TLE1: variants seen among roughly 807,000 people sequenced by gnomAD.
The protein encoded by TLE1 is transducin-like enhancer protein 1.
A neutral mutation model predicts 89.8 loss-of-function variants in TLE1; 21 were observed. The observed-to-expected ratio is 0.23, with a 90% confidence interval of 0.17 to 0.34. The LOEUF (loss-of-function observed/expected upper bound fraction) is 0.34. Ranked by LOEUF, TLE1 falls within the 10% of genes least tolerant of loss-of-function variation. TLE1 has a pLI of 1.00. For synonymous variants in TLE1, 447 were observed against 407.6 expected (o/e 1.10, Z -1.16); for missense variants, 795 against 1,031.2 (o/e 0.77, Z 3.14).
intron 4 of TLE1, among the ~76,000 whole-genome samples, chr9:81,655,225 G>A (rs1359377483): frequency 1.3e-5 from 2 of 152,068 alleles, no homozygotes; most frequent in Non-Finnish European, 2.9e-5. Flanking sequence ...TTAGCCGGGC[G>A]TGATGGTGGG....
intron 11 of TLE1, among the ~76,000 whole-genome samples, chr9:81,613,906 C>CTTT (rs761514885): frequency 1.3e-4 from 12 of 89,906 alleles, no homozygotes; most frequent in East Asian, 7.8e-4. Context: ...CTTTTCTTTT[C>CTTT]TTTTTTTTTT....
intron 6 of TLE1, among the ~76,000 whole-genome samples, chr9:81,634,618 T>C (rs1057384978): frequency 1.3e-5 from 2 of 152,182 alleles, no homozygotes; most frequent in Admixed American, 6.5e-5. Context: ...CTGTTTATTA[T>C]TAAGCAAGGC....
chr9:81,603,602 T>C (rs1283227006), intron 14 of TLE1, among the ~76,000 whole-genome samples: 1 of 152,210 alleles, frequency 6.6e-6, no homozygotes, highest in African/African-American at 2.4e-5. Context: ...CCCACAAGTT[T>C]TCCCCCAATA....
At chr9:81,687,484 A>G in intron 1 of TLE1, 50 bp from the exon 2 acceptor site, 1 of 1,422,326 alleles carries the variant, frequency 7.0e-7, no homozygotes, top group Non-Finnish European at 9.8e-7. Flanking sequence ...CGGGCGGATG[A>G]ATAAAGCAGT....
intron 14 of TLE1, among the ~76,000 whole-genome samples, chr9:81,607,326 G>A (rs1414316313): frequency 7.6e-6 from 1 of 131,738 alleles, no homozygotes; most frequent in South Asian, 2.4e-4. Context: ...TCTTACAACT[G>A]ACCCTGTTAA....
intron 11 of TLE1, among the ~76,000 whole-genome samples, chr9:81,615,682 T>C (rs577094051): frequency 5.0e-5 from 7 of 140,128 alleles, no homozygotes; most frequent in Admixed American, 1.5e-4. Context: ...CACTGCACTC[T>C]AGCCTGGATG....
intron 7 of TLE1, 40 bp from the exon 8 acceptor site, chr9:81,633,404 T>G: frequency 6.2e-7 from 1 of 1,613,002 alleles, no homozygotes; most frequent in East Asian, 2.2e-5. Context: ...GACATGCCCG[T>G]TCAGACACAG....
chr9:81,664,622 C>T (rs1831225224), intron 4 of TLE1, among the ~76,000 whole-genome samples: 1 of 151,906 alleles, frequency 6.6e-6, no homozygotes, highest in South Asian at 2.1e-4. Flanking sequence ...AGCACTTTTG[C>T]GGGGCTGAGG....
intron 18 of TLE1, among the ~76,000 whole-genome samples, chr9:81,584,899 A>C (rs1828140030): frequency 6.6e-6 from 1 of 152,140 alleles, no homozygotes; most frequent in South Asian, 2.1e-4. Flanking sequence ...ATCCAACTTA[A>C]GTAAAATGCC....
At chr9:81,674,065 G>A (rs1458626776) in intron 4 of TLE1, among the ~76,000 whole-genome samples, 2 of 152,010 alleles carry the variant, frequency 1.3e-5, no homozygotes, top group African/African-American at 4.8e-5. Context: ...AATAACGGTG[G>A]CTGCATTTTG....
At chr9:81,662,762 A>G (rs1020365110) in intron 4 of TLE1, among the ~76,000 whole-genome samples, 1 of 151,856 alleles carries the variant, frequency 6.6e-6, no homozygotes, top group African/African-American at 2.4e-5. Flanking sequence ...AAGAGTAATT[A>G]TGCTGAGGTG....
chr9:81,675,921 G>C (rs1348181547), intron 4 of TLE1, among the ~76,000 whole-genome samples: 1 of 151,838 alleles, frequency 6.6e-6, no homozygotes, highest in Admixed American at 6.6e-5. Flanking sequence ...GGATGGTCTC[G>C]ATCTCCTGAC....
intron 6 of TLE1, among the ~76,000 whole-genome samples, chr9:81,645,375 A>C (rs1442264497): frequency 6.6e-6 from 1 of 151,570 alleles, no homozygotes; most frequent in Non-Finnish European, 1.5e-5. Flanking sequence ...CCAAAAAAAA[A>C]AAAATAATAG....
chr9:81,599,814 T>A (rs1830680250), intron 14 of TLE1: 2 of 345,844 alleles, frequency 5.8e-6, no homozygotes, highest in East Asian at 8.4e-5. Context: ...AGGGCTTTAT[T>A]AACAACTAAC....
chr9:81,687,726 G>C (rs1298372122), intron 1 of TLE1, among the ~76,000 whole-genome samples: 1 of 152,048 alleles, frequency 6.6e-6, no homozygotes, highest in South Asian at 2.1e-4. Flanking sequence ...GGCCAGGGAA[G>C]ACCAGGCCAG....
intron 6 of TLE1, among the ~76,000 whole-genome samples, chr9:81,639,465 T>A (rs1467525226): frequency 2.0e-5 from 3 of 152,186 alleles, no homozygotes; most frequent in African/African-American, 7.2e-5. Flanking sequence ...TTCTTCTATC[T>A]AGGCATTAGT....
chr9:81,606,895 C>T (rs908158165), intron 14 of TLE1, among the ~76,000 whole-genome samples: 2 of 151,666 alleles, frequency 1.3e-5, no homozygotes, highest in African/African-American at 2.4e-5. Context: ...ATCTTCCTCA[C>T]ATAATATGGC....
At chr9:81,682,205 G>C (rs950383368) in intron 4 of TLE1, among the ~76,000 whole-genome samples, 4 of 150,996 alleles carry the variant, frequency 2.6e-5, no homozygotes, top group Non-Finnish European at 2.9e-5. Context: ...AGTAAGCAGA[G>C]ATCGACCACT....
At chr9:81,677,888 G>A (rs185910076) in intron 4 of TLE1, among the ~76,000 whole-genome samples, 7 of 152,244 alleles carry the variant, frequency 4.6e-5, no homozygotes, top group African/African-American at 7.2e-5. Context: ...CCCTTCCAGC[G>A]TACAGTGGTG....
Sources: allele counts gnomAD v4.1 joint callset (sites outside exome capture counted in the v4.1 genomes callset), GRCh38; gene constraint gnomAD v4.1.1; transcripts MANE v1.5; gene names NCBI Gene and HGNC (gene_info 2026-07-23, HGNC 2026-07-21).